Variants in ERFE observed in about 807,000 individuals in gnomAD.
ERFE encodes complement C1q tumor necrosis factor-related protein 15.
A neutral mutation model predicts 26.6 loss-of-function variants in ERFE; 25 were observed. The observed-to-expected ratio is 0.94, with a 90% CI of 0.69 to 1.31. The LOEUF (loss-of-function observed/expected upper bound fraction) is 1.31. Ranked by LOEUF, ERFE falls within the 40% of genes most tolerant of loss-of-function variation. The probability of loss-of-function intolerance (pLI) is 0.00; values close to 1 mark genes in which losing one functional copy is unlikely to be tolerated. For missense variants in ERFE, 447 were observed against 440.2 expected (o/e 1.02, Z -0.14); for synonymous variants, 206 against 204.5 (o/e 1.01, Z -0.06).
rs148587736 is a variant in ERFE, at chr2:238,165,543, G to C, written c.888-63G>C. ...GTGTTGGCTGCTGGCAGGATTGTGTGTCGTAGGTGAAGTTGGTGGGGTCTC... is the reference window on the plus strand; with the variant it reads ...GTGTTGGCTGCTGGCAGGATTGTGTCTCGTAGGTGAAGTTGGTGGGGTCTC... On this transcript the variant is annotated intron_variant, in intron 6 of 7. Transcript: ENST00000546354. The C allele has an allele frequency of 2.2e-3, 3,059 of 1,371,678 alleles. 6 individuals carry two copies. Among genetic ancestry groups the C allele is most frequent in the Middle Eastern group, 7.5e-3 (41 of 5,456 alleles). The allele number at this position is 1,371,678 out of a possible 1,614,324, so 85.0% of individuals were successfully genotyped here. A position where few individuals can be genotyped will look rare whatever the true frequency, so the allele number is the denominator to read the frequency against.
chr2:238,162,899 T>A (rs1692961851), intron 3 of ERFE, 61 bp downstream of exon 3: 4 of 1,381,904 alleles, frequency 2.9e-6, no homozygotes, highest in Non-Finnish European at 4.0e-6. Context: ...TGGGAGGGTG[T>A]CCCGAGGAGC....
intron 7 of ERFE, 35 bp downstream of exon 7, chr2:238,165,719 G>T: frequency 6.5e-7 from 1 of 1,535,820 alleles, no homozygotes; most frequent in Non-Finnish European, 8.8e-7. Flanking sequence ...GAGGGGCACC[G>T]CCTGGGCATG....
At chr2:238,162,683 T>G in intron 2 of ERFE, 53 bp from the exon 3 acceptor site, 2 of 1,182,470 alleles carry the variant, frequency 1.7e-6, no homozygotes, top group Non-Finnish European at 2.5e-6. Context: ...CAGGGGATGC[T>G]GTGGCTCCCA....
chr2:238,163,776 G>C lies in ERFE; in HGVS notation c.464G>C (p.Cys155Ser). ...CGGGAGCGCGCGGAGCCCGAACCCT[G>C]TACGTGTGGCCCCGCCGGGCCGGTC... ...RQRERAEPEPCTCGPAGPVAA... is the reference protein window; with the variant it reads ...RQRERAEPEPSTCGPAGPVAA... Residue 155 changes from cysteine to serine, a missense_variant, in exon 4 of 8, where the codon TGT becomes TCT. Physicochemically the swap from Cys to Ser is moderately radical, Grantham distance 112 (BLOSUM62 -1). Transcript: ENST00000546354. 1 of 1,364,748 alleles carries C rather than the reference G, an allele frequency of 7.3e-7. No homozygotes were observed. The highest frequency in any genetic ancestry group is 3.5e-5 in the Admixed American group (1 of 28,918). The allele number at this position is 1,364,748 out of a possible 1,614,324, so 84.5% of individuals were successfully genotyped here.
At chr2:238,164,859 AAAC>A (rs1204500065) in intron 6 of ERFE, 3 of 157,770 alleles carry the variant, frequency 1.9e-5, no homozygotes, top group Non-Finnish European at 2.8e-5. Context: ...TCAAAAAAAC[AAAC>A]AACAACAACA....
chr2:238,163,719 C>A lies in ERFE; in HGVS notation c.425-18C>A. On this transcript the variant is annotated intron_variant, in intron 3 of 7. Transcript: ENST00000546354. ...GTGAGGGGTCCCTGGCGCGCGGCCA[C>A]CGCTCGCTCTGTGCCAGGTGCGGTG... The A allele has an allele frequency of 7.8e-7, 1 of 1,289,818 alleles. No individual in the cohort carries two copies. The highest frequency in any genetic ancestry group is 9.8e-7 in the Non-Finnish European group (1 of 1,023,392). The allele number at this position is 1,289,818 out of a possible 1,614,324, so 79.9% of individuals were successfully genotyped here.
Position 238,164,125 on chromosome 2 carries a change from C to G in ERFE, c.738C>G (p.Ser246Arg). 4 of 1,454,424 alleles carry G rather than the reference C, an allele frequency of 2.8e-6. No individual in the cohort carries two copies. Among genetic ancestry groups the G allele is most frequent in the Non-Finnish European group, 3.6e-6 (4 of 1,107,102 alleles). 90.1% of individuals were successfully genotyped at this position (1,454,424 alleles called of 1,614,324 possible). A position where few individuals can be genotyped will look rare whatever the true frequency, so the allele number is the denominator to read the frequency against. Residue 246 changes from serine (S) to arginine (R), a missense_variant, in exon 5 of 8, where the codon AGC becomes AGG. Ser to Arg is a moderately radical substitution (Grantham distance 110). Coordinates refer to ENST00000546354, the MANE Select transcript of ERFE (RefSeq NM_001291832.2). Reference sequence around the variant, plus strand: ...GCGGCCCGGGCCTGAACTTGACCAGCGGCCAGTACAGGGCGCCCGTGGCTG... The same window carrying G: ...GCGGCCCGGGCCTGAACTTGACCAGGGGCCAGTACAGGGCGCCCGTGGCTG... ...FRRGPGLNLT[S>R]GQYRAPVAGF...
Position 238,167,309 on chromosome 2 carries a change from G to A in ERFE, c.*255G>A, listed in dbSNP as rs766510984. The stretch of plus-strand genomic sequence containing the variant: ...CTTATCCAGGAAAGAAAGAGTCGGC[G>A]TGCCTGGGGGCACCTGCTAGTCTCC... On this transcript the variant is annotated 3_prime_UTR_variant, in exon 8 of 8. Coordinates refer to ENST00000546354, the MANE Select transcript of ERFE (RefSeq NM_001291832.2). 1.1e-4 allele frequency: 74 copies of A among 685,408 alleles called. 3 individuals are homozygous for A. Among genetic ancestry groups the A allele is most frequent in the Admixed American group, 9.5e-4 (47 of 49,292 alleles). The allele number at this position is 685,408 out of a possible 1,614,324, so 42.5% of individuals were successfully genotyped here.
At chr2:238,166,582 C>A (rs146483084) in intron 7 of ERFE, among the ~76,000 whole-genome samples, 7 of 152,222 alleles carry the variant, frequency 4.6e-5, no homozygotes, top group Non-Finnish European at 8.8e-5. Context: ...GCTGGTTTCA[C>A]GGAAGGCTCT....
At chr2:238,160,107 G>T (rs1055842291) in intron 1 of ERFE, among the ~76,000 whole-genome samples, 2 of 152,238 alleles carry the variant, frequency 1.3e-5, no homozygotes, top group Non-Finnish European at 2.9e-5. Context: ...AAATGTCAGG[G>T]CACTGTCAGC....
rs540216264 is a variant in ERFE, at chr2:238,164,429, C to G, written c.887+69C>G. ...CCTCCACAAGCTGGAGGTGGTTAAA[C>G]AGGCACTGGACGGGGCTTCCGCCCG... On this transcript the variant is annotated intron_variant, in intron 6 of 7. Transcript: ENST00000546354. 4.1e-6 allele frequency: 6 copies of G among 1,462,608 alleles called. No homozygotes were observed. The African/African-American group carries it at 8.5e-5, about 21-fold the overall frequency. The allele number at this position is 1,462,608 out of a possible 1,614,324, so 90.6% of individuals were successfully genotyped here.
intron 6 of ERFE, 189 bp downstream of exon 6, chr2:238,164,549 G>C (rs963669550): frequency 5.1e-6 from 3 of 591,522 alleles, no homozygotes; most frequent in African/African-American, 2.0e-5. Flanking sequence ...ACAGCAACTG[G>C]GAGCTGTTAA....
rs141498850 is a variant in ERFE at position 238,168,429 on chromosome 2, G to A, written c.*1375G>A. The A allele has an allele frequency of 1.1e-3, 512 of 471,062 alleles. 1 individual carries two copies. Among genetic ancestry groups the A allele is most frequent in the African/African-American group, 9.3e-3 (465 of 50,164 alleles). 29.2% of individuals were successfully genotyped at this position (471,062 alleles called of 1,614,324 possible). A position where few individuals can be genotyped will look rare whatever the true frequency, so the allele number is the denominator to read the frequency against. ...GGAGCCAAGCTGGTCTGGCAAGGGCGCTCAGGCCTGGGAGAGAAGGGAGCA... is the reference window on the plus strand; with the variant it reads ...GGAGCCAAGCTGGTCTGGCAAGGGCACTCAGGCCTGGGAGAGAAGGGAGCA... On this transcript the variant is annotated 3_prime_UTR_variant, in exon 8 of 8. Coordinates refer to ENST00000546354, the MANE Select transcript of ERFE (RefSeq NM_001291832.2).
Position 238,161,620 on chromosome 2 carries a change from C to T in ERFE, c.225C>T (p.Ser75=), listed in dbSNP as rs553268153. The change falls in exon 2 of 8, where the codon AGC becomes AGT. Residue 75 remains serine (S), a synonymous_variant. Transcript: ENST00000546354. ...PPEPTAERAH[S]VDPRDAWMLF... is the part of the protein sequence containing the mutation. ...AGCCCACCGCTGAGCGTGCACACAGCGTCGACCCCCGGGACGCCTGGATGC... is the reference window on the plus strand; with the variant it reads ...AGCCCACCGCTGAGCGTGCACACAGTGTCGACCCCCGGGACGCCTGGATGC... 21 of 1,545,234 alleles carry T rather than the reference C, an allele frequency of 1.4e-5. No individual in the cohort carries two copies. The highest frequency in any genetic ancestry group is 1.1e-4 in the African/African-American group (8 of 73,098).
In ERFE at chr2:238,167,851, C is replaced by G; in HGVS notation, c.*797C>G. The G allele has an allele frequency of 4.6e-6, 1 of 218,946 alleles. No individual in the cohort carries two copies. The highest frequency in any genetic ancestry group is 9.3e-6 in the Non-Finnish European group (1 of 107,612). The allele number at this position is 218,946 out of a possible 1,614,324, so 13.6% of individuals were successfully genotyped here. The stretch of plus-strand genomic sequence containing the variant: ...ACCCTCTCCAGAGGTGGATGAGATC[C>G]CTTTTCCCCTCCCCTCTGAGGTGCT... On this transcript the variant is annotated 3_prime_UTR_variant, in exon 8 of 8. Coordinates refer to ENST00000546354, the MANE Select transcript of ERFE (RefSeq NM_001291832.2).
At chr2:238,162,504 C>A (rs776859406) in intron 2 of ERFE, among the ~76,000 whole-genome samples, 5 of 152,260 alleles carry the variant, frequency 3.3e-5, no homozygotes, top group Non-Finnish European at 7.3e-5. Flanking sequence ...TCTGCCTCCC[C>A]ACTCAGAGCA....
chr2:238,164,241 G>A (rs1442635411), intron 5 of ERFE, 29 bp from the exon 6 acceptor site: 8 of 1,421,068 alleles, frequency 5.6e-6, no homozygotes, highest in African/African-American at 1.5e-5. Context: ...CCGCCCGCCC[G>A]CTTGACCACG....
chr2:238,166,143 C>T (rs1291585424), intron 7 of ERFE, among the ~76,000 whole-genome samples: 1 of 152,212 alleles, frequency 6.6e-6, no homozygotes, highest in African/African-American at 2.4e-5. Context: ...CCATCTCTGG[C>T]ACTGTGGGAA....
intron 3 of ERFE, chr2:238,163,509 G>A (rs1349794403): frequency 4.6e-6 from 2 of 433,684 alleles, no homozygotes; most frequent in East Asian, 3.9e-5. Context: ...GGCCAAGGGC[G>A]CTGGGGCACT....
Sources: gnomAD v4.1 joint callset for allele counts (sites outside exome capture counted in the v4.1 genomes callset) on GRCh38, gnomAD v4.1.1 for gene constraint, MANE v1.5 for transcripts, NCBI Gene and HGNC (gene_info 2026-07-23, HGNC 2026-07-21) for gene names.